Variants in NDUFA9 observed in about 807,000 individuals in gnomAD.
NDUFA9 encodes NADH:ubiquinone oxidoreductase subunit A9, also known as NADH dehydrogenase [ubiquinone] 1 alpha subcomplex subunit 9, mitochondrial.
A neutral mutation model predicts 45.9 loss-of-function variants in NDUFA9; 23 were observed. The observed-to-expected ratio is 0.50, with a 90% CI of 0.36 to 0.71. The LOEUF (loss-of-function observed/expected upper bound fraction) is 0.71. NDUFA9 is among the 30% of genes least tolerant of loss of function. NDUFA9 has a pLI of 0.00. For missense variants in NDUFA9, 466 were observed against 488.2 expected (o/e 0.95, Z 0.43); for synonymous variants, 176 against 170.5 (o/e 1.03, Z -0.25).
In NDUFA9 at chr12:4,659,150, A is replaced by G. The variant is rs1386577587; in HGVS notation, c.525A>G (p.Lys175=). ...TTTCACATCTGAATGCGAATATTAAAAGCTCTTCTAGATATTTGAGAAATA... is the reference window on the plus strand; with the variant it reads ...TTTCACATCTGAATGCGAATATTAAGAGCTCTTCTAGATATTTGAGAAATA... The part of the protein sequence containing the change: ...IHVSHLNANI[K]SSSRYLRNKA... The change falls in exon 5 of 11, where the codon AAA becomes AAG. Residue 175 remains lysine, a synonymous_variant. Transcript: ENST00000266544. 6.2e-7 allele frequency: 1 copy of G among 1,611,646 alleles called. No homozygotes were observed. Among genetic ancestry groups the G allele is most frequent in the East Asian group, 2.2e-5 (1 of 44,862 alleles).
chr12:4,664,157 T>C (rs1170770690), intron 6 of NDUFA9, among the ~76,000 whole-genome samples: 1 of 152,218 alleles, frequency 6.6e-6, no homozygotes, highest in Non-Finnish European at 1.5e-5. Context: ...ACCTGAAGAT[T>C]TGGAAAATTC....
chr12:4,652,284 A>G (rs1286683565), intron 1 of NDUFA9, among the ~76,000 whole-genome samples: 1 of 152,188 alleles, frequency 6.6e-6, no homozygotes, highest in African/African-American at 2.4e-5. Context: ...CATGGAAATC[A>G]TGTCATTTCC....
intron 6 of NDUFA9, among the ~76,000 whole-genome samples, chr12:4,663,201 T>A (rs1945833758): frequency 1.3e-5 from 2 of 152,242 alleles, no homozygotes; most frequent in Admixed American, 6.5e-5. Context: ...ATTGTGTATA[T>A]TCCATTGTAT....
At chr12:4,679,394 T>C (rs1310534191) in intron 8 of NDUFA9, among the ~76,000 whole-genome samples, 2 of 152,234 alleles carry the variant, frequency 1.3e-5, no homozygotes, top group African/African-American at 4.8e-5. Context: ...TTTTAATGTA[T>C]GTAAATTATA....
At chr12:4,681,290 C>T (rs1161561799) in intron 8 of NDUFA9, among the ~76,000 whole-genome samples, 2 of 151,952 alleles carry the variant, frequency 1.3e-5, no homozygotes, top group African/African-American at 2.4e-5. Context: ...GCACAAAACA[C>T]TGTAAATAAC....
At position 4,692,122 on chromosome 12, in the gene NDUFA9, A is replaced by G. The variant is rs1190452096; in HGVS notation, c.*5014A>G. 1 of 152,178 alleles carries G rather than the reference A, an allele frequency of 6.6e-6. No individual in the cohort carries two copies. The highest frequency in any genetic ancestry group is 1.9e-4 in the East Asian group (1 of 5,192). 9.4% of individuals were successfully genotyped at this position (152,178 alleles called of 1,614,324 possible). On this transcript the variant is annotated 3_prime_UTR_variant, in exon 11 of 11. Coordinates refer to ENST00000266544, the MANE Select transcript of NDUFA9 (RefSeq NM_005002.5). Reference sequence around the variant, plus strand: ...ATAATTTTAAGTTTTCTGATGCTCTAAGGGAAGTCAGGTGCCTAATATTGG... The same window carrying G: ...ATAATTTTAAGTTTTCTGATGCTCTGAGGGAAGTCAGGTGCCTAATATTGG...
rs147771535 is a variant in NDUFA9 at position 4,671,449 on chromosome 12, A to T, written c.800+1632A>T. On this transcript the variant is annotated intron_variant, in intron 8 of 10. Coordinates refer to ENST00000266544, the MANE Select transcript of NDUFA9 (RefSeq NM_005002.5). ...TATAAATTTAACAATTAAATTTATT[A>T]TATTATACCTAATAAGTAATGACAT... Among the ~76,000 whole-genome samples the T allele has an allele frequency of 1.1e-3, 167 of 152,262 alleles. 1 individual carries two copies. Among genetic ancestry groups the T allele is most frequent in the African/African-American group, 3.8e-3 (160 of 41,576 alleles).
At chr12:4,654,787 G>A (rs1208253268) in intron 2 of NDUFA9, 38 bp from the exon 3 acceptor site, 1 of 1,429,012 alleles carries the variant, frequency 7.0e-7, no homozygotes, top group East Asian at 2.3e-5. Flanking sequence ...TCCACATTAT[G>A]TTAATGTTGA....
Position 4,687,211 on chromosome 12 carries a change from C to T in NDUFA9, c.*103C>T, listed in dbSNP as rs1945993306. 9.5e-7 allele frequency: 1 copy of T among 1,049,324 alleles called. No individual in the cohort carries two copies. Among genetic ancestry groups the T allele is most frequent in the Non-Finnish European group, 1.3e-6 (1 of 750,572 alleles). The allele number at this position is 1,049,324 out of a possible 1,614,324, so 65.0% of individuals were successfully genotyped here. ...TTAGAGGATCCTGTACACAGTTCCA[C>T]TATTAAAACATTTCAGGTTGAATTC... is the stretch of plus-strand genomic sequence containing the variant. On this transcript the variant is annotated 3_prime_UTR_variant, in exon 11 of 11. Coordinates refer to ENST00000266544, the MANE Select transcript of NDUFA9 (RefSeq NM_005002.5).
chr12:4,663,198 A>G (rs908982108), intron 6 of NDUFA9, among the ~76,000 whole-genome samples: 19 of 152,090 alleles, frequency 1.2e-4, no homozygotes, highest in African/African-American at 4.6e-4. Context: ...TCCATTGTGT[A>G]TATTCCATTG....
In NDUFA9 at chr12:4,692,046, G is replaced by A. The variant is rs756965697; in HGVS notation, c.*4938G>A. 1 of 152,160 alleles carries A rather than the reference G, an allele frequency of 6.6e-6. No individual in the cohort carries two copies. Among genetic ancestry groups the A allele is most frequent in the South Asian group, 2.1e-4 (1 of 4,824 alleles). The allele number at this position is 152,160 out of a possible 1,614,324, so 9.4% of individuals were successfully genotyped here. A position where few individuals can be genotyped will look rare whatever the true frequency, so the allele number is the denominator to read the frequency against. ...AAAGACAGTCCTGGGTTGTAAAACT[G>A]GCAAGAGGCTGAGGGAAGATGTATG... On this transcript the variant is annotated 3_prime_UTR_variant, in exon 11 of 11. Transcript: ENST00000266544.
Position 4,660,452 on chromosome 12 carries a change from G to A in NDUFA9, c.552+1275G>A, listed in dbSNP as rs143468652. On this transcript the variant is annotated intron_variant, in intron 5 of 10. Transcript: ENST00000266544. ...GTATATAGGGTTTCTGATCCTGGAG[G>A]TCAGAAGAGAGGTCTGGGTTGGAGA... Among the ~76,000 whole-genome samples the A allele has an allele frequency of 4.2e-3, 639 of 152,236 alleles. 5 individuals are homozygous for A. The highest frequency in any genetic ancestry group is 0.014 in the African/African-American group (578 of 41,544).
intron 5 of NDUFA9, 150 bp from the exon 6 acceptor site, chr12:4,662,383 G>C: frequency 1.6e-6 from 1 of 618,820 alleles, no homozygotes; most frequent in Non-Finnish European, 2.8e-6. Context: ...TAAAAGTTCT[G>C]TGTAACTGAG....
chr12:4,665,257 C>G (rs1945846522), intron 6 of NDUFA9, among the ~76,000 whole-genome samples: 1 of 152,164 alleles, frequency 6.6e-6, no homozygotes, highest in Non-Finnish European at 1.5e-5. Flanking sequence ...CCCTCCTTCC[C>G]CCCAGCCCCT....
chr12:4,654,001 A>G (rs957123569), intron 1 of NDUFA9, among the ~76,000 whole-genome samples: 1 of 151,530 alleles, frequency 6.6e-6, no homozygotes, highest in Non-Finnish European at 1.5e-5. Context: ...AGTTCCTTTT[A>G]CCGTATAGGC....
intron 8 of NDUFA9, among the ~76,000 whole-genome samples, chr12:4,680,704 C>T (rs576046217): frequency 3.9e-4 from 59 of 152,244 alleles, no homozygotes; most frequent in Non-Finnish European, 6.6e-4. Context: ...CCTGCTAAGG[C>T]CTTTGTCTGA....
In NDUFA9 at chr12:4,662,513, T is replaced by A; in HGVS notation, c.553-20T>A. 6.3e-7 allele frequency: 1 copy of A among 1,588,446 alleles called. No homozygotes were observed. Among genetic ancestry groups the A allele is most frequent in the Non-Finnish European group, 8.6e-7 (1 of 1,156,974 alleles). On this transcript the variant is annotated intron_variant, in intron 5 of 10. Transcript: ENST00000266544. The stretch of plus-strand genomic sequence containing the variant: ...CACTTGTCTCTAAACTCAAAACAGG[T>A]TTGTTTGGTTATTGTTTAGGCTGTT...
intron 5 of NDUFA9, among the ~76,000 whole-genome samples, chr12:4,661,766 A>G (rs2137467793): frequency 6.8e-6 from 1 of 146,172 alleles, no homozygotes; most frequent in Middle Eastern, 3.6e-3. Context: ...AACAAAGAAC[A>G]AGCAGGCTGG....
chr12:4,668,199 G>A (rs2137473996), intron 6 of NDUFA9, among the ~76,000 whole-genome samples: 1 of 152,330 alleles, frequency 6.6e-6, no homozygotes, highest in East Asian at 1.9e-4. Context: ...ATTTAGCATT[G>A]CAGAGCAGAC....
Sources: gnomAD v4.1 joint callset for allele counts (sites outside exome capture counted in the v4.1 genomes callset) on GRCh38, gnomAD v4.1.1 for gene constraint, MANE v1.5 for transcripts, NCBI Gene and HGNC (gene_info 2026-07-23, HGNC 2026-07-21) for gene names.